The following ZC2HC1A variants were observed in gnomAD, a reference collection of about 807,000 sequenced individuals.
ZC2HC1A encodes zinc finger C2HC-type containing 1A.
Under a neutral mutation model 40.7 loss-of-function variants are expected in ZC2HC1A, and 28 were observed. The observed-to-expected ratio is 0.69, with a 90% confidence interval of 0.51 to 0.94. ZC2HC1A has a LOEUF of 0.94. ZC2HC1A is among the 40% of genes least tolerant of loss of function. The pLI is 0.00. For synonymous variants in ZC2HC1A, 129 were observed against 129.2 expected (o/e 1.00, Z 0.01); for missense variants, 389 against 386.3 (o/e 1.01, Z -0.06).
chr8:78,697,769 C>T (rs914128129), intron 6 of ZC2HC1A, among the ~76,000 whole-genome samples: 1 of 151,446 alleles, frequency 6.6e-6, no homozygotes, highest in Admixed American at 6.6e-5. Flanking sequence ...ACCTTCGCCT[C>T]CCAGGTTCAA....
intron 7 of ZC2HC1A, among the ~76,000 whole-genome samples, chr8:78,711,363 G>C (rs765492712): frequency 6.6e-6 from 1 of 151,690 alleles, no homozygotes; most frequent in Non-Finnish European, 1.5e-5. Context: ...TTATAATTTT[G>C]GTCAAAATGT....
At chr8:78,690,148 C>T (rs1810159714) in intron 5 of ZC2HC1A, among the ~76,000 whole-genome samples, 1 of 152,088 alleles carries the variant, frequency 6.6e-6, no homozygotes, top group Non-Finnish European at 1.5e-5. Flanking sequence ...CTGTTCTGTT[C>T]CATTGATTTA....
At chr8:78,716,809 G>A (rs1170949225) in intron 8 of ZC2HC1A, among the ~76,000 whole-genome samples, 3 of 152,092 alleles carry the variant, frequency 2.0e-5, no homozygotes, top group African/African-American at 7.2e-5. Context: ...GGATCATGGG[G>A]GTGGACTTCC....
At chr8:78,699,829 A>G (rs546977574) in intron 7 of ZC2HC1A, among the ~76,000 whole-genome samples, 32 of 152,230 alleles carry the variant, frequency 2.1e-4, no homozygotes, top group African/African-American at 7.2e-4. Flanking sequence ...ATAGTATTCC[A>G]TGGTGTTTAT....
chr8:78,675,541 T>C (rs1585977728), intron 1 of ZC2HC1A, among the ~76,000 whole-genome samples: 2 of 152,006 alleles, frequency 1.3e-5, no homozygotes, highest in African/African-American at 4.8e-5. Flanking sequence ...AAACTAGATA[T>C]TTCCAGCAGT....
intron 5 of ZC2HC1A, among the ~76,000 whole-genome samples, chr8:78,696,198 C>T (rs1278153551): frequency 6.6e-6 from 1 of 152,008 alleles, no homozygotes; most frequent in Non-Finnish European, 1.5e-5. Flanking sequence ...CCACGCCCGG[C>T]TAATTTTTTG....
chr8:78,697,764 C>T (rs567226649), intron 6 of ZC2HC1A, among the ~76,000 whole-genome samples: 33 of 150,672 alleles, frequency 2.2e-4, no homozygotes, highest in African/African-American at 5.4e-4. Flanking sequence ...CTGCAACCTT[C>T]GCCTCCCAGG....
intron 7 of ZC2HC1A, among the ~76,000 whole-genome samples, chr8:78,714,276 G>A (rs1811032581): frequency 6.6e-6 from 1 of 152,070 alleles, no homozygotes. Context: ...ATGGAGTTAT[G>A]AACGCTACCT....
At position 78,719,659 on chromosome 8, in the gene ZC2HC1A, AGAT is replaced by A. The variant is rs950971519; in HGVS notation, c.*2170_*2172del. On this transcript the variant is annotated 3_prime_UTR_variant, in exon 9 of 9. Transcript: ENST00000263849. ...ATTCTGAATTGTGTTAGGTTGAAAA[AGAT>A]GATTGTGGTGACTATTATTTCTTGT... The A allele has an allele frequency of 6.6e-6, 1 of 151,744 alleles. No individual in the cohort carries two copies. Among genetic ancestry groups the A allele is most frequent in the Admixed American group, 6.6e-5 (1 of 15,234 alleles). 9.4% of individuals were successfully genotyped at this position (151,744 alleles called of 1,614,324 possible). A position where few individuals can be genotyped will look rare whatever the true frequency, so the allele number is the denominator to read the frequency against.
intron 7 of ZC2HC1A, among the ~76,000 whole-genome samples, chr8:78,705,538 A>G (rs959050541): frequency 2.6e-5 from 4 of 152,070 alleles, no homozygotes; most frequent in African/African-American, 9.7e-5. Flanking sequence ...GGGAGGCTCC[A>G]CCTGGTGATG....
intron 3 of ZC2HC1A, among the ~76,000 whole-genome samples, chr8:78,681,619 G>A (rs1809781571): frequency 6.6e-6 from 1 of 152,202 alleles, no homozygotes. Context: ...TAATATTGAT[G>A]CTAGATTTTT....
chr8:78,686,396 A>C, intron 3 of ZC2HC1A, 71 bp from the exon 4 acceptor site: 1 of 1,145,872 alleles, frequency 8.7e-7, no homozygotes, highest in Non-Finnish European at 1.1e-6. Context: ...GAATTATCTG[A>C]TGTTTTATTT....
chr8:78,714,876 C>T (rs1045577951), intron 7 of ZC2HC1A, among the ~76,000 whole-genome samples: 7 of 151,894 alleles, frequency 4.6e-5, no homozygotes, highest in South Asian at 4.2e-4. Context: ...AACCATTATC[C>T]GTAAGCATTT....
intron 1 of ZC2HC1A, among the ~76,000 whole-genome samples, chr8:78,667,801 C>T (rs944158774): frequency 6.6e-6 from 1 of 151,928 alleles, no homozygotes; most frequent in East Asian, 1.9e-4. Context: ...AACCTTACTA[C>T]GAATGTTTTT....
chr8:78,682,914 G>A (rs775624027), intron 3 of ZC2HC1A, among the ~76,000 whole-genome samples: 1 of 152,204 alleles, frequency 6.6e-6, no homozygotes, highest in East Asian at 1.9e-4. Flanking sequence ...AAAACAAAGG[G>A]GCCACAGGCT....
At chr8:78,672,076 A>G (rs1809449709) in intron 1 of ZC2HC1A, among the ~76,000 whole-genome samples, 1 of 152,158 alleles carries the variant, frequency 6.6e-6, no homozygotes, top group Non-Finnish European at 1.5e-5. Context: ...TGGGGACTTG[A>G]AGTTAGATAA....
intron 7 of ZC2HC1A, among the ~76,000 whole-genome samples, chr8:78,700,598 G>A (rs776082403): frequency 1.1e-4 from 16 of 152,080 alleles, no homozygotes; most frequent in Non-Finnish European, 1.8e-4. Flanking sequence ...TGCCCTGAAT[G>A]GTATTGGCTA....
At chr8:78,683,583 C>T (rs1334265927) in intron 3 of ZC2HC1A, among the ~76,000 whole-genome samples, 1 of 152,092 alleles carries the variant, frequency 6.6e-6, no homozygotes, top group African/African-American at 2.4e-5. Flanking sequence ...AACCATTTTT[C>T]CCTTCTAGGC....
intron 1 of ZC2HC1A, 178 bp from the exon 2 acceptor site, chr8:78,675,609 C>T (rs2130429635): frequency 5.6e-6 from 3 of 532,272 alleles, no homozygotes; most frequent in Non-Finnish European, 9.8e-6. Flanking sequence ...CCTTTTTCAC[C>T]ACTGATAACT....
Sources: gnomAD v4.1 joint callset for allele counts (sites outside exome capture counted in the v4.1 genomes callset) on GRCh38, gnomAD v4.1.1 for gene constraint, MANE v1.5 for transcripts, NCBI Gene and HGNC (gene_info 2026-07-23, HGNC 2026-07-21) for gene names.